The following LACTBL1 variants were observed in gnomAD, a reference collection of about 807,000 sequenced individuals.
LACTBL1 encodes lactamase beta like 1.
A neutral mutation model predicts 39.6 loss-of-function variants in LACTBL1; 29 were observed. The observed-to-expected ratio is 0.73, with a 90% CI of 0.55 to 1.00. The LOEUF (loss-of-function observed/expected upper bound fraction) is 1.00. Ranked by LOEUF, LACTBL1 falls within the 50% of genes least tolerant of loss-of-function variation. The probability of loss-of-function intolerance (pLI) is 0.00; values close to 1 mark genes in which losing one functional copy is unlikely to be tolerated. For synonymous variants in LACTBL1, 361 were observed against 360.7 expected, an observed-to-expected ratio of 1.00 and a Z score of -0.01; for missense variants, 711 against 748.5, an observed-to-expected ratio of 0.95 and a Z score of 0.59.
At chr1:22,958,779 G>A (rs759591352) in exon 4 of LACTBL1, 159 of 1,550,662 alleles carry the variant, frequency 1.0e-4, no homozygotes, top group Middle Eastern at 8.3e-4. Context: ...CCTGCTGTTC[G>A]GCTGATGCCA....
chr1:22,968,283 A>G (rs567298849), upstream of LACTBL1, among the ~76,000 whole-genome samples: 12 of 152,204 alleles, frequency 7.9e-5, no homozygotes, highest in East Asian at 2.3e-3. Context: ...AAACGTGACT[A>G]TTTCACAGTC....
the LACTBL1 span, among the ~76,000 whole-genome samples, chr1:22,971,794 C>T: frequency 6.6e-6 from 1 of 152,336 alleles, no homozygotes; most frequent in East Asian, 1.9e-4. Context: ...TCAGATTTCT[C>T]ATCTGCATAA....
exon 5 of LACTBL1, chr1:22,955,392 C>T (rs1201812452): frequency 6.5e-6 from 10 of 1,550,276 alleles, no homozygotes; most frequent in Non-Finnish European, 8.7e-6. Context: ...TGCCCTTCCA[C>T]AGCAGTGAAG....
intron 2 of LACTBL1, among the ~76,000 whole-genome samples, 172 bp from the exon 5 acceptor site, chr1:22,960,271 T>G (rs1056962910): frequency 3.3e-5 from 5 of 152,170 alleles, no homozygotes; most frequent in African/African-American, 1.2e-4. Context: ...ATAAGATGTT[T>G]TCTCAAAGAA....
At chr1:22,959,222 G>T (rs1444633334) in intron 3 of LACTBL1, among the ~76,000 whole-genome samples, 1 of 152,200 alleles carries the variant, frequency 6.6e-6, no homozygotes, top group Non-Finnish European at 1.5e-5. Context: ...TGGCCATGTG[G>T]CCTTAGGCAA....
At chr1:22,959,837 G>A in intron 3 of LACTBL1, 105 bp downstream of exon 5, 1 of 1,351,902 alleles carries the variant, frequency 7.4e-7, no homozygotes, top group Non-Finnish European at 1.0e-6. Context: ...GGCCCTGGCA[G>A]ATTAGACCCC....
chr1:22,961,715 C>T (rs1186853610), intron 2 of LACTBL1, among the ~76,000 whole-genome samples: 1 of 151,772 alleles, frequency 6.6e-6, no homozygotes, highest in Non-Finnish European at 1.5e-5. Context: ...TTTACATATC[C>T]TTGGCTGAGC....
chr1:22,958,615 A>G, intron 4 of LACTBL1, 70 bp downstream of exon 6: 2 of 1,323,678 alleles, frequency 1.5e-6, no homozygotes, highest in Non-Finnish European at 1.0e-6. Flanking sequence ...GCCTGGCTGG[A>G]TGAGAACCTG....
chr1:22,964,196 C>G (rs1474183972), intron 1 of LACTBL1, among the ~76,000 whole-genome samples: 4 of 152,174 alleles, frequency 2.6e-5, no homozygotes, highest in Non-Finnish European at 4.4e-5. Context: ...CTCGGCCTCC[C>G]AAAGTGCTGA....
intron 2 of LACTBL1, among the ~76,000 whole-genome samples, chr1:22,961,517 C>A (rs1369960319): frequency 6.6e-6 from 1 of 152,086 alleles, no homozygotes; most frequent in African/African-American, 2.4e-5. Flanking sequence ...TCATATGCCA[C>A]CACGTGTGGC....
chr1:22,972,141 ATGATGATGATGATGATG>A, the LACTBL1 span, among the ~76,000 whole-genome samples: 1 of 3,252 alleles, frequency 3.1e-4, no homozygotes, highest in South Asian at 2.0e-3. Context: ...AGCTCTAGAG[ATGATGATGATGATGATG>A]ATGATGATGA....
chr1:22,953,743 C>G (rs924777806), exon 6 of LACTBL1: 50 of 1,381,466 alleles, frequency 3.6e-5, no homozygotes, highest in Non-Finnish European at 4.5e-5. Flanking sequence ...GGGCCCGCCG[C>G]CCAGGAGCGC....
chr1:22,954,100 A>G, intron 5 of LACTBL1, 76 bp from the exon 8 acceptor site: 2 of 1,456,742 alleles, frequency 1.4e-6, no homozygotes, highest in Non-Finnish European at 1.8e-6. Context: ...CACCAGTTTC[A>G]TGGGACTGGG....
exon 6 of LACTBL1, chr1:22,953,594 C>G: frequency 8.0e-7 from 1 of 1,257,460 alleles, no homozygotes; most frequent in Non-Finnish European, 9.9e-7. Flanking sequence ...TCCAGATCGC[C>G]GTCCTTGCGC....
At chr1:22,963,911 G>A (rs1476580412) in intron 1 of LACTBL1, among the ~76,000 whole-genome samples, 3 of 152,150 alleles carry the variant, frequency 2.0e-5, no homozygotes, top group East Asian at 1.9e-4. Context: ...AGGTCCCTGC[G>A]GTAGGTTTCA....
chr1:22,969,940 T>G (rs1020790738), upstream of LACTBL1, among the ~76,000 whole-genome samples: 1 of 152,218 alleles, frequency 6.6e-6, no homozygotes, highest in Non-Finnish European at 1.5e-5. Flanking sequence ...GGAAATTCTT[T>G]TGAACTTTAC....
At chr1:22,963,031 G>T in intron 2 of LACTBL1, 76 bp downstream of exon 4, 1 of 674,032 alleles carries the variant, frequency 1.5e-6, no homozygotes, top group Non-Finnish European at 2.2e-6. Flanking sequence ...GCCACTGCCA[G>T]CACAGAGGGA....
intron 4 of LACTBL1, among the ~76,000 whole-genome samples, chr1:22,956,413 G>C (rs554351505): frequency 6.6e-6 from 1 of 152,006 alleles, no homozygotes; most frequent in South Asian, 2.1e-4. Flanking sequence ...GGAGGAAGGA[G>C]CCCCAGTTCT....
chr1:22,968,368 A>G (rs1640905587), upstream of LACTBL1, among the ~76,000 whole-genome samples: 1 of 152,130 alleles, frequency 6.6e-6, no homozygotes, highest in African/African-American at 2.4e-5. Flanking sequence ...GCCACATACT[A>G]TTCTGTTCCT....
Sources: gnomAD v4.1 joint callset for allele counts (sites outside exome capture counted in the v4.1 genomes callset) on GRCh38, gnomAD v4.1.1 for gene constraint, MANE v1.5 for transcripts, NCBI Gene and HGNC (gene_info 2026-07-23, HGNC 2026-07-21) for gene names.